RYR3: variants seen among roughly 807,000 people sequenced by gnomAD.
RYR3 encodes brain ryanodine receptor-calcium release channel.
A neutral mutation model predicts 584.3 loss-of-function variants in RYR3; 207 were observed. That is an observed-to-expected ratio of 0.35 (90% confidence interval 0.32 to 0.40). The LOEUF (loss-of-function observed/expected upper bound fraction) is 0.40, where lower values mean the gene tolerates loss of function less well. RYR3 is among the 10% of genes least tolerant of loss of function. RYR3 has a pLI of 1.00. For missense variants in RYR3, 5,616 were observed against 6,089.2 expected, an observed-to-expected ratio of 0.92 and a Z score of 2.59; for synonymous variants, 2,416 against 2,248.5, an observed-to-expected ratio of 1.07 and a Z score of -2.11.
chr15:33,436,867 T>G (rs1312239744), intron 1 of RYR3, among the ~76,000 whole-genome samples: 1 of 152,192 alleles, frequency 6.6e-6, no homozygotes, highest in African/African-American at 2.4e-5. Flanking sequence ...TATTTTTTGT[T>G]TTTTAAGTGG....
intron 19 of RYR3, among the ~76,000 whole-genome samples, chr15:33,621,925 T>C (rs1007578168): frequency 4.6e-5 from 7 of 152,220 alleles, no homozygotes; most frequent in African/African-American, 1.2e-4. Flanking sequence ...GAAAGTATCC[T>C]GTTGTGAAAG....
At chr15:33,811,196 A>AT (rs60005214) in intron 72 of RYR3, among the ~76,000 whole-genome samples, 159 bp downstream of exon 72, 13 of 152,118 alleles carry the variant, frequency 8.5e-5, no homozygotes, top group Admixed American at 2.6e-4. Flanking sequence ...TCTTTTTTAA[A>AT]TTTTTTTTTA....
intron 18 of RYR3, among the ~76,000 whole-genome samples, chr15:33,608,568 C>G (rs926143995): frequency 6.6e-6 from 1 of 152,208 alleles, no homozygotes; most frequent in African/African-American, 2.4e-5. Context: ...ATGAGATGGG[C>G]TCTCTTATCC....
chr15:33,608,344 G>T (rs2060007634), intron 18 of RYR3, among the ~76,000 whole-genome samples: 1 of 152,184 alleles, frequency 6.6e-6, no homozygotes, highest in Non-Finnish European at 1.5e-5. Flanking sequence ...TTGTCTAAAT[G>T]TGGAATACAA....
intron 6 of RYR3, among the ~76,000 whole-genome samples, chr15:33,540,228 ATAAGTT>A (rs1361904608): frequency 6.6e-6 from 1 of 152,146 alleles, no homozygotes; most frequent in Admixed American, 6.5e-5. Context: ...ATATAGGAAA[ATAAGTT>A]TATGTTGGAG....
At chr15:33,705,630 A>G (rs2066653012) in intron 42 of RYR3, among the ~76,000 whole-genome samples, 1 of 152,232 alleles carries the variant, frequency 6.6e-6, no homozygotes, top group African/African-American at 2.4e-5. Flanking sequence ...GTAAGATCCT[A>G]GCACAGAGAT....
intron 1 of RYR3, among the ~76,000 whole-genome samples, chr15:33,394,305 C>T (rs1027881260): frequency 9.2e-5 from 14 of 152,162 alleles, no homozygotes; most frequent in East Asian, 7.7e-4. Context: ...ACAAGCTTTT[C>T]GATAGAATTC....
At chr15:33,380,596 C>T (rs908243751) in intron 1 of RYR3, among the ~76,000 whole-genome samples, 2 of 152,196 alleles carry the variant, frequency 1.3e-5, no homozygotes, top group Non-Finnish European at 2.9e-5. Context: ...AGTATCAATG[C>T]CAAGGGAGAC....
intron 1 of RYR3, among the ~76,000 whole-genome samples, chr15:33,357,905 A>G (rs866432979): frequency 6.6e-6 from 1 of 152,214 alleles, no homozygotes; most frequent in African/African-American, 2.4e-5. Flanking sequence ...GTTGGATCAG[A>G]TGGAAAAACT....
intron 58 of RYR3, 33 bp from the exon 59 acceptor site, chr15:33,756,273 C>G (rs1308022430): frequency 6.6e-7 from 1 of 1,506,390 alleles, no homozygotes; most frequent in African/African-American, 1.4e-5. Context: ...CTTCGTAACT[C>G]TGGCCAACTT....
intron 1 of RYR3, among the ~76,000 whole-genome samples, chr15:33,452,828 T>A (rs1231138835): frequency 6.6e-6 from 1 of 152,150 alleles, no homozygotes; most frequent in Non-Finnish European, 1.5e-5. Flanking sequence ...TATATGAAAC[T>A]TAAAGTAGTG....
intron 16 of RYR3, among the ~76,000 whole-genome samples, chr15:33,596,255 G>A (rs1360621953): frequency 2.7e-5 from 4 of 150,184 alleles, no homozygotes; most frequent in Non-Finnish European, 4.4e-5. Context: ...TGTATTTATT[G>A]GAAAATACCC....
chr15:33,709,249 G>A (rs2066927682), intron 43 of RYR3, among the ~76,000 whole-genome samples: 1 of 152,168 alleles, frequency 6.6e-6, no homozygotes, highest in African/African-American at 2.4e-5. Context: ...AGTAAGTGGA[G>A]TAAGGCAGGG....
chr15:33,577,879 GTC>G (rs1413475319), intron 12 of RYR3, among the ~76,000 whole-genome samples: 1 of 152,012 alleles, frequency 6.6e-6, no homozygotes, highest in Admixed American at 6.6e-5. Context: ...TCTGACAAAA[GTC>G]TAATATCCAG....
At chr15:33,361,645 G>A (rs991025917) in intron 1 of RYR3, among the ~76,000 whole-genome samples, 6 of 152,142 alleles carry the variant, frequency 3.9e-5, no homozygotes, top group South Asian at 2.1e-4. Context: ...GACTTCCTTC[G>A]CTGTGACTTC....
chr15:33,617,014 G>A (rs2060483425), intron 19 of RYR3, among the ~76,000 whole-genome samples: 1 of 152,194 alleles, frequency 6.6e-6, no homozygotes, highest in African/African-American at 2.4e-5. Flanking sequence ...ATGATTTGGT[G>A]CTGAAACCCA....
chr15:33,786,061 C>T, intron 66 of RYR3, 79 bp downstream of exon 66: 1 of 1,246,788 alleles, frequency 8.0e-7, no homozygotes, highest in Non-Finnish European at 1.1e-6. Context: ...TTATTAATTC[C>T]AAGATGGTTT....
intron 2 of RYR3, among the ~76,000 whole-genome samples, chr15:33,495,608 A>G (rs896776837): frequency 4.6e-5 from 7 of 152,180 alleles, no homozygotes; most frequent in African/African-American, 1.4e-4. Flanking sequence ...ACTTGCCCAT[A>G]TAAGTTTTAC....
At chr15:33,810,375 C>T in intron 70 of RYR3, 104 bp from the exon 71 acceptor site, 1 of 1,151,836 alleles carries the variant, frequency 8.7e-7, no homozygotes, top group African/African-American at 1.5e-5. Context: ...AAGGCCCACC[C>T]TATACTGACA....
Sources: allele counts gnomAD v4.1 joint callset (sites outside exome capture counted in the v4.1 genomes callset), GRCh38; gene constraint gnomAD v4.1.1; transcripts MANE v1.5; gene names NCBI Gene and HGNC (gene_info 2026-07-23, HGNC 2026-07-21).